PRKCH: variants seen among roughly 807,000 people sequenced by gnomAD.
PRKCH encodes the protein protein kinase C eta.
PRKCH carries 28 observed loss-of-function variants against 82.5 expected under a neutral mutation model. The ratio of observed to expected loss-of-function variants is 0.34; its 90% CI spans 0.25 to 0.47. The LOEUF is 0.47. Ranked by LOEUF, PRKCH falls within the 20% of genes least tolerant of loss-of-function variation. The pLI, the probability that PRKCH is intolerant of heterozygous loss-of-function variation, is 1.00. For missense variants in PRKCH, 705 were observed against 881.8 expected, an observed-to-expected ratio of 0.80 and a Z score of 2.54; for synonymous variants, 322 against 327.4, an observed-to-expected ratio of 0.98 and a Z score of 0.18.
intron 1 of PRKCH, among the ~76,000 whole-genome samples, chr14:61,362,326 G>A (rs2046236063): frequency 1.4e-5 from 2 of 142,642 alleles, no homozygotes; most frequent in African/African-American, 2.7e-5. Context: ...GGGCGACAGA[G>A]TGGCATCTTG....
At position 61,343,434 on chromosome 14, in the gene PRKCH, C is replaced by T. The variant is rs2045953992; in HGVS notation, c.363+20970C>T. Among the ~76,000 whole-genome samples, 3 of 148,038 alleles carry T rather than the reference C, an allele frequency of 2.0e-5. No individual in the cohort carries two copies. The South Asian group carries it at 6.5e-4, about 32-fold the overall frequency. ...TTACATGTTGAGGCTGATGATTTCT[C>T]TTATGGAACTATAAAAGGACTGGAC... On this transcript the variant is annotated intron_variant, in intron 1 of 13. Coordinates refer to ENST00000332981, the MANE Select transcript of PRKCH (RefSeq NM_006255.5).
intron 1 of PRKCH, among the ~76,000 whole-genome samples, chr14:61,330,182 G>A (rs1300402778): frequency 6.6e-6 from 1 of 152,198 alleles, no homozygotes. Context: ...GTAAGCCCCT[G>A]GTTTGGGGAG....
At chr14:61,418,086 G>A (rs145679747) in intron 2 of PRKCH, among the ~76,000 whole-genome samples, 86 of 152,322 alleles carry the variant, frequency 5.6e-4, no homozygotes, top group African/African-American at 1.8e-3. Flanking sequence ...TAACATCTGC[G>A]CAGGTCTATC....
Position 61,483,776 on chromosome 14 carries a change from G to A in PRKCH, c.1279-1726G>A, listed in dbSNP as rs117584363. Among the ~76,000 whole-genome samples the A allele has an allele frequency of 0.02, 2,982 of 152,272 alleles. 177 individuals are homozygous for A. In the East Asian group the frequency reaches 0.24, roughly 12 times the overall value. ...TAAAGATAGGTTCAAGGCTGGGTGT[G>A]GTAGCTCATGCCTGTAATCCCAGCA... is the stretch of plus-strand genomic sequence containing the variant. On this transcript the variant is annotated intron_variant, in intron 9 of 13. Transcript: ENST00000332981.
intron 1 of PRKCH, among the ~76,000 whole-genome samples, chr14:61,206,467 T>C (rs1382614109): frequency 6.6e-6 from 1 of 152,228 alleles, no homozygotes; most frequent in African/African-American, 2.4e-5. Context: ...TGACTTCGTC[T>C]TAACTAATTA....
At chr14:61,546,362 C>G (rs1004678551) in intron 12 of PRKCH, among the ~76,000 whole-genome samples, 1 of 152,202 alleles carries the variant, frequency 6.6e-6, no homozygotes, top group Non-Finnish European at 1.5e-5. Flanking sequence ...AACCCAGAAC[C>G]ACCTGTGGCC....
chr14:61,471,143 G>A (rs891410254), intron 9 of PRKCH, among the ~76,000 whole-genome samples: 3 of 152,244 alleles, frequency 2.0e-5, no homozygotes, highest in Non-Finnish European at 4.4e-5. Context: ...TATAGAAGGA[G>A]GCTAATAGCA....
intron 9 of PRKCH, among the ~76,000 whole-genome samples, chr14:61,467,765 C>A (rs2140307759): frequency 6.6e-6 from 1 of 152,278 alleles, no homozygotes; most frequent in East Asian, 1.9e-4. Flanking sequence ...TTCATGAGAC[C>A]CTAGCATATG....
chr14:61,289,131 A>G (rs989592449), intron 1 of PRKCH, among the ~76,000 whole-genome samples: 1 of 152,208 alleles, frequency 6.6e-6, no homozygotes, highest in African/African-American at 2.4e-5. Context: ...TGATACAGGC[A>G]TGAGCCACCA....
chr14:61,528,741 G>GT (rs1244775540), intron 10 of PRKCH: 5 of 189,324 alleles, frequency 2.6e-5, no homozygotes, highest in Non-Finnish European at 5.5e-5. Context: ...GGAGGATGGG[G>GT]TATAGGCTGA....
intron 1 of PRKCH, among the ~76,000 whole-genome samples, chr14:61,382,643 A>G (rs2046529279): frequency 6.6e-6 from 1 of 152,216 alleles, no homozygotes; most frequent in South Asian, 2.1e-4. Context: ...TAGGAAAGCT[A>G]TAGAAAAGAG....
intron 1 of PRKCH, among the ~76,000 whole-genome samples, chr14:61,208,821 C>T (rs563649690): frequency 6.6e-6 from 1 of 151,954 alleles, no homozygotes; most frequent in Non-Finnish European, 1.5e-5. Flanking sequence ...GAATTGTGTC[C>T]CTACAAAATT....
intron 1 of PRKCH, among the ~76,000 whole-genome samples, chr14:61,357,627 G>A (rs2046168423): frequency 6.6e-6 from 1 of 152,098 alleles, no homozygotes; most frequent in Non-Finnish European, 1.5e-5. Context: ...TTACCTATTT[G>A]TCAACTCCAG....
chr14:61,490,657 T>TA (rs1175151325), intron 10 of PRKCH, among the ~76,000 whole-genome samples: 6 of 152,176 alleles, frequency 3.9e-5, no homozygotes, highest in African/African-American at 1.4e-4. Context: ...CCTATGCCTG[T>TA]AATCCCAGCA....
chr14:61,333,283 A>G (rs781491752), intron 1 of PRKCH, among the ~76,000 whole-genome samples: 2 of 152,214 alleles, frequency 1.3e-5, no homozygotes, highest in Non-Finnish European at 2.9e-5. Context: ...AAAAATGCAC[A>G]TATGTGCATA....
At chr14:61,230,474 A>C (rs1439292842) in intron 1 of PRKCH, among the ~76,000 whole-genome samples, 1 of 152,222 alleles carries the variant, frequency 6.6e-6, no homozygotes, top group African/African-American at 2.4e-5. Context: ...TGTAATGTGC[A>C]TTTAGTCCTC....
At chr14:61,309,852 AC>A (rs2045507681) in intron 1 of PRKCH, among the ~76,000 whole-genome samples, 1 of 152,136 alleles carries the variant, frequency 6.6e-6, no homozygotes, top group Non-Finnish European at 1.5e-5. Flanking sequence ...TGTTTAATTG[AC>A]TCGCAGTTCC....
At chr14:61,413,765 A>G (rs1468575052) in intron 2 of PRKCH, among the ~76,000 whole-genome samples, 5 of 151,998 alleles carry the variant, frequency 3.3e-5, no homozygotes, top group African/African-American at 9.7e-5. Context: ...AGTACAGCCT[A>G]CATACTAATT....
intron 10 of PRKCH, among the ~76,000 whole-genome samples, chr14:61,498,705 G>A (rs1333850022): frequency 1.3e-5 from 2 of 152,136 alleles, no homozygotes; most frequent in East Asian, 3.8e-4. Context: ...GCTTTCTGGT[G>A]TCTCTTGTTA....
Sources: gnomAD v4.1 joint callset for allele counts (sites outside exome capture counted in the v4.1 genomes callset) on GRCh38, gnomAD v4.1.1 for gene constraint, MANE v1.5 for transcripts, NCBI Gene and HGNC (gene_info 2026-07-23, HGNC 2026-07-21) for gene names.